The following SETBP1 variants were observed in gnomAD, a reference collection of about 807,000 sequenced individuals.
The protein encoded by SETBP1 is SET-binding protein.
In SETBP1, 9 loss-of-function variants were observed where a neutral mutation model predicts 101.0. The ratio of observed to expected loss-of-function variants is 0.09; its 90% CI spans 0.05 to 0.16. SETBP1 has a LOEUF of 0.16. Among genes scored for constraint, SETBP1 ranks in the 10% least tolerant of loss-of-function variants. The pLI is 1.00. For synonymous variants in SETBP1, 818 were observed against 788.5 expected, an observed-to-expected ratio of 1.04 and a Z score of -0.63; for missense variants, 1,858 against 2,033.8, an observed-to-expected ratio of 0.91 and a Z score of 1.66.
intron 4 of SETBP1, among the ~76,000 whole-genome samples, chr18:44,959,258 A>G (rs2071559605): frequency 6.6e-6 from 1 of 152,204 alleles, no homozygotes; most frequent in Admixed American, 6.5e-5. Flanking sequence ...ATCAGGAAGC[A>G]TGCCTTTGGA....
chr18:45,035,696 C>T (rs2073382023), intron 4 of SETBP1, among the ~76,000 whole-genome samples: 1 of 152,228 alleles, frequency 6.6e-6, no homozygotes. Context: ...CAACTTGTGT[C>T]CACAGGTATA....
At chr18:44,785,202 G>C (rs918590460) in intron 2 of SETBP1, among the ~76,000 whole-genome samples, 1 of 152,136 alleles carries the variant, frequency 6.6e-6, no homozygotes, top group Non-Finnish European at 1.5e-5. Context: ...CAGGTGACAG[G>C]CCAGTTAGAT....
chr18:44,758,098 A>C (rs1030630114), intron 2 of SETBP1, among the ~76,000 whole-genome samples: 1 of 152,084 alleles, frequency 6.6e-6, no homozygotes, highest in African/African-American at 2.4e-5. Flanking sequence ...CGTCCCATCT[A>C]TTATCCGTGT....
chr18:44,686,517 T>A (rs1187829998), intron 1 of SETBP1, among the ~76,000 whole-genome samples: 8 of 152,186 alleles, frequency 5.3e-5, no homozygotes, highest in Non-Finnish European at 1.2e-4. Flanking sequence ...ACCCCACTTA[T>A]GCTGCCTTGC....
chr18:44,891,900 C>T (rs969394514), intron 3 of SETBP1, among the ~76,000 whole-genome samples: 1 of 152,012 alleles, frequency 6.6e-6, no homozygotes, highest in African/African-American at 2.4e-5. Flanking sequence ...TATTTTTGAA[C>T]GTTTGAACAT....
chr18:44,981,762 T>C (rs1471578303), intron 4 of SETBP1, among the ~76,000 whole-genome samples: 2 of 152,228 alleles, frequency 1.3e-5, no homozygotes, highest in Non-Finnish European at 2.9e-5. Context: ...TTGCTTCTTT[T>C]TCCCCCGCTT....
chr18:44,867,916 A>G (rs368948876), intron 2 of SETBP1, among the ~76,000 whole-genome samples: 1 of 152,194 alleles, frequency 6.6e-6, no homozygotes, highest in Non-Finnish European at 1.5e-5. Context: ...TCTTGACCCA[A>G]ACAAAACATT....
At chr18:45,019,017 C>T (rs1908009609) in intron 4 of SETBP1, among the ~76,000 whole-genome samples, 1 of 152,106 alleles carries the variant, frequency 6.6e-6, no homozygotes. Context: ...CACTGGAAAA[C>T]CATTGGCTTG....
intron 2 of SETBP1, among the ~76,000 whole-genome samples, chr18:44,752,665 G>A (rs1033933266): frequency 2.0e-5 from 3 of 152,094 alleles, no homozygotes; most frequent in African/African-American, 7.2e-5. Context: ...GTAACTGACT[G>A]GGGGCTCAAA....
chr18:44,698,578 T>G (rs2069059656), intron 1 of SETBP1, among the ~76,000 whole-genome samples: 1 of 152,178 alleles, frequency 6.6e-6, no homozygotes, highest in Non-Finnish European at 1.5e-5. Flanking sequence ...TCTTCCTTCT[T>G]CCTGCTCTAC....
chr18:44,865,206 AT>A (rs1322068905), intron 2 of SETBP1, among the ~76,000 whole-genome samples: 1 of 152,226 alleles, frequency 6.6e-6, no homozygotes, highest in Non-Finnish European at 1.5e-5. Context: ...AATGTCACTT[AT>A]CAGCTTCTTC....
chr18:44,716,943 C>T (rs754749227), intron 2 of SETBP1, among the ~76,000 whole-genome samples: 13 of 152,220 alleles, frequency 8.5e-5, no homozygotes, highest in Non-Finnish European at 4.4e-5. Flanking sequence ...GACATAACAA[C>T]AGCTGCCATT....
intron 4 of SETBP1, among the ~76,000 whole-genome samples, chr18:45,014,672 C>T (rs1433382989): frequency 6.6e-6 from 1 of 152,066 alleles, no homozygotes; most frequent in East Asian, 1.9e-4. Context: ...GTGGTTAAGA[C>T]TTTGTAGCCA....
chr18:44,814,820 T>C (rs1568160696), intron 2 of SETBP1, among the ~76,000 whole-genome samples: 2 of 152,232 alleles, frequency 1.3e-5, no homozygotes, highest in South Asian at 2.1e-4. Flanking sequence ...GGATTGATAA[T>C]CAGATTTGGT....
intron 4 of SETBP1, among the ~76,000 whole-genome samples, chr18:44,968,222 A>C (rs1425630110): frequency 6.6e-6 from 1 of 152,174 alleles, no homozygotes; most frequent in Non-Finnish European, 1.5e-5. Flanking sequence ...GTGTTCTTTG[A>C]GAAAATATTG....
At chr18:44,703,173 C>G (rs2069147352) in intron 2 of SETBP1, among the ~76,000 whole-genome samples, 1 of 151,920 alleles carries the variant, frequency 6.6e-6, no homozygotes, top group Non-Finnish European at 1.5e-5. Flanking sequence ...CTTTTGTTGA[C>G]AGAGTTTTGG....
In SETBP1 at chr18:44,950,169, T is replaced by G. The variant is rs1342745167; in HGVS notation, c.829T>G (p.Leu277Val). Reference sequence around the variant, plus strand: ...CAGTGCAGGGAACACGTGGAGTCAGTTGTCTAACAATAACAAAGATCTGCT... The same window carrying G: ...CAGTGCAGGGAACACGTGGAGTCAGGTGTCTAACAATAACAAAGATCTGCT... ...KGSAGNTWSQLSNNNKDLLLG... is the reference protein window; with the variant it reads ...KGSAGNTWSQVSNNNKDLLLG... Residue 277 changes from leucine (L) to valine (V), a missense_variant, in exon 4 of 6, where the codon TTG becomes GTG. Leu to Val is a conservative substitution (Grantham distance 32). Transcript: ENST00000649279. 1.2e-6 allele frequency: 2 copies of G among 1,613,916 alleles called. No individual in the cohort carries two copies. The highest frequency in any genetic ancestry group is 3.3e-5 in the Admixed American group (2 of 60,034).
In SETBP1 at chr18:45,006,061, C is replaced by A. The variant is rs1478797205; in HGVS notation, c.4001-32424C>A. On this transcript the variant is annotated intron_variant, in intron 4 of 5. Coordinates refer to ENST00000649279, the MANE Select transcript of SETBP1 (RefSeq NM_015559.3). ...CTCCACCTCTCGGGTTCAAGTGATT[C>A]TCCTGCCTCAGCCTCCTGAGTAGCT... Among the ~76,000 whole-genome samples, 4 of 144,884 alleles carry A rather than the reference C, an allele frequency of 2.8e-5. No homozygotes were observed. In the East Asian group the frequency reaches 8.6e-4, roughly 31 times the overall value.
At chr18:44,899,455 C>T (rs1023986663) in intron 3 of SETBP1, among the ~76,000 whole-genome samples, 1 of 152,124 alleles carries the variant, frequency 6.6e-6, no homozygotes, top group East Asian at 1.9e-4. Flanking sequence ...TTCCTCAGGC[C>T]AGTGCATGTT....
Sources: allele counts gnomAD v4.1 joint callset (sites outside exome capture counted in the v4.1 genomes callset), GRCh38; gene constraint gnomAD v4.1.1; transcripts MANE v1.5; gene names NCBI Gene and HGNC (gene_info 2026-07-23, HGNC 2026-07-21).